EPB41L1: variants seen among roughly 807,000 people sequenced by gnomAD.
EPB41L1 encodes the protein erythrocyte membrane protein band 4.1 like 1, also known as band 4.1-like protein 1.
EPB41L1 carries 29 observed loss-of-function variants against 97.8 expected under a neutral mutation model. The ratio of observed to expected loss-of-function variants is 0.30; its 90% CI spans 0.22 to 0.40. The LOEUF (loss-of-function observed/expected upper bound fraction) is 0.40. EPB41L1 is among the 10% of genes least tolerant of loss of function. The pLI is 1.00. For synonymous variants in EPB41L1, 383 were observed against 459.2 expected, an observed-to-expected ratio of 0.83 and a Z score of 2.12; for missense variants, 812 against 1,162.3, an observed-to-expected ratio of 0.70 and a Z score of 4.38.
intron 2 of EPB41L1, among the ~76,000 whole-genome samples, chr20:36,126,059 G>A (rs2058953735): frequency 6.6e-6 from 1 of 152,206 alleles, no homozygotes; most frequent in South Asian, 2.1e-4. Flanking sequence ...GACAGTGCAT[G>A]TGGGTTTTGA....
chr20:36,092,411 C>T lies in EPB41L1; in HGVS notation c.-65+799C>T, dbSNP rs936173583. ...CGTGGGGAAGCCGGCGGCGGGTCCC[C>T]AGCGCCGGGAGGGTTCGCGGGGCTC... On this transcript the variant is annotated intron_variant, in intron 1 of 19. Transcript: ENST00000202028. This position sits in a 1 kb window ranked among gnomAD's most constrained non-coding sequence, Gnocchi z 7.0. Among the ~76,000 whole-genome samples, 60 of 152,030 alleles carry T rather than the reference C, an allele frequency of 3.9e-4. No individual in the cohort carries two copies. The highest frequency in any genetic ancestry group is 7.9e-4 in the Non-Finnish European group (54 of 67,962).
At chr20:36,137,598 C>G (rs1025460297) in intron 2 of EPB41L1, among the ~76,000 whole-genome samples, 1 of 152,132 alleles carries the variant, frequency 6.6e-6, no homozygotes, top group Non-Finnish European at 1.5e-5. Flanking sequence ...GATCTTGGCT[C>G]ACGGCAATCT....
chr20:36,104,508 G>A (rs765598357), intron 1 of EPB41L1, among the ~76,000 whole-genome samples: 4 of 152,214 alleles, frequency 2.6e-5, no homozygotes, highest in South Asian at 2.1e-4. Context: ...AGAGACTGCC[G>A]GGAAGATGGG....
intron 2 of EPB41L1, among the ~76,000 whole-genome samples, chr20:36,139,722 T>C (rs2059561815): frequency 6.6e-6 from 1 of 152,108 alleles, no homozygotes; most frequent in South Asian, 2.1e-4. Flanking sequence ...AGTGCTTTCT[T>C]CTTATTATTA....
At chr20:36,228,136 C>T (rs1342989596) in intron 21 of EPB41L1, among the ~76,000 whole-genome samples, 1 of 152,188 alleles carries the variant, frequency 6.6e-6, no homozygotes, top group East Asian at 1.9e-4. Context: ...ATGCAAGTAG[C>T]AGAAATGATG....
At chr20:36,226,691 C>T (rs1011520692) in intron 21 of EPB41L1, among the ~76,000 whole-genome samples, 9 of 152,192 alleles carry the variant, frequency 5.9e-5, no homozygotes, top group Admixed American at 5.9e-4. Flanking sequence ...ACTACTATTA[C>T]CATTAACTTG....
rs1281508624 is a variant in EPB41L1, at chr20:36,209,752, C to T, written c.1933C>T (p.Arg645Trp). ...CTCCCGCAGCCTGCCTGAGCTCGAC[C>T]GGGACAAAAGCGACTCGGACACTGA... is the stretch of plus-strand genomic sequence containing the variant. Reference protein sequence around the residue: ...DFSRSLPELDRDKSDSDTEGL... With the variant: ...DFSRSLPELDWDKSDSDTEGL... Residue 645 changes from arginine to tryptophan, a missense_variant, in exon 15 of 22, where the codon CGG (arginine) becomes TGG (tryptophan). Arg to Trp is a moderately radical substitution (Grantham distance 101). This residue lies in a region of EPB41L1 where 498 missense variants were observed against 622.7 expected (regional missense o/e 0.80). Transcript: ENST00000338074. The surrounding 1 kb of genome is among the most constrained non-coding windows in gnomAD (Gnocchi z 4.2). 4.5e-6 allele frequency: 7 copies of T among 1,572,228 alleles called. No individual in the cohort carries two copies. The highest frequency in any genetic ancestry group is 2.2e-5 in the South Asian group (2 of 90,126).
Position 36,198,053 on chromosome 20 carries a change from C to G in EPB41L1, c.1668+12C>G, listed in dbSNP as rs1218816807. On this transcript the variant is annotated intron_variant, in intron 14 of 21. Coordinates refer to ENST00000338074, the MANE Select transcript of EPB41L1 (RefSeq NM_012156.2). ...AGAAAGCCAATGAGGTAGGTGTCGCCCTGAACCCCTCGATAGGGGCCTTGG... is the reference window on the plus strand; with the variant it reads ...AGAAAGCCAATGAGGTAGGTGTCGCGCTGAACCCCTCGATAGGGGCCTTGG... The G allele has an allele frequency of 6.2e-7, 1 of 1,612,556 alleles. No homozygotes were observed. Among genetic ancestry groups the G allele is most frequent in the Non-Finnish European group, 8.5e-7 (1 of 1,179,556 alleles).
intron 2 of EPB41L1, among the ~76,000 whole-genome samples, chr20:36,147,297 T>G (rs898806334): frequency 2.6e-5 from 4 of 152,094 alleles, no homozygotes; most frequent in Non-Finnish European, 5.9e-5. Context: ...AAAGGAAACT[T>G]TATTGATGTT....
intron 1 of EPB41L1, among the ~76,000 whole-genome samples, chr20:36,104,651 G>A (rs927506544): frequency 5.3e-5 from 8 of 152,160 alleles, no homozygotes; most frequent in Admixed American, 1.3e-4. Context: ...AGGGCTGCCT[G>A]TTTATCTGGC....
chr20:36,169,448 G>C (rs747783574), intron 1 of EPB41L1, among the ~76,000 whole-genome samples: 1 of 152,024 alleles, frequency 6.6e-6, no homozygotes, highest in African/African-American at 2.4e-5. Flanking sequence ...TGGCAGCAAC[G>C]CTTAGTGTTG....
At chr20:36,220,674 G>A (rs6089025) in intron 19 of EPB41L1, among the ~76,000 whole-genome samples, 1 of 152,142 alleles carries the variant, frequency 6.6e-6, no homozygotes, top group Admixed American at 6.5e-5. Flanking sequence ...AAATAACTCA[G>A]GCCTGGTGGG....
chr20:36,207,935 C>T lies in EPB41L1; in HGVS notation c.1669-1553C>T, dbSNP rs918105922. Among the ~76,000 whole-genome samples, 4 of 152,222 alleles carry T rather than the reference C, an allele frequency of 2.6e-5. No individual in the cohort carries two copies. The highest frequency in any genetic ancestry group is 4.8e-5 in the African/African-American group (2 of 41,450). ...CATCCCTGTGAGTTTTTTCCCTAAA[C>T]GGGCCTGGGTGTAGCTCAGGCTGAA... On this transcript the variant is annotated intron_variant, in intron 14 of 21. Transcript: ENST00000338074. This position sits in a 1 kb window ranked among gnomAD's most constrained non-coding sequence, Gnocchi z 4.9.
intron 1 of EPB41L1, among the ~76,000 whole-genome samples, chr20:36,166,742 G>A (rs1431459428): frequency 6.6e-6 from 1 of 152,160 alleles, no homozygotes. Flanking sequence ...GTGTGCACCT[G>A]TAGTCCCACC....
chr20:36,204,960 G>A (rs576951340), intron 14 of EPB41L1, among the ~76,000 whole-genome samples: 4 of 152,328 alleles, frequency 2.6e-5, no homozygotes, highest in East Asian at 3.9e-4. Context: ...TTTGATGCAC[G>A]ATGATGCTTA....
At position 36,177,296 on chromosome 20, in the gene EPB41L1, C is replaced by T. The variant is rs573308753; in HGVS notation, c.343-656C>T. On this transcript the variant is annotated intron_variant, in intron 3 of 21. Transcript: ENST00000338074. ...GAGTGCCCAGTCGGGTTCTCGGCTT[C>T]GTCATTCTGAATGGTGGTTCAGAGA... is the stretch of plus-strand genomic sequence containing the variant. Among the ~76,000 whole-genome samples the T allele has an allele frequency of 1.1e-3, 170 of 152,266 alleles. 1 individual carries two copies. Among genetic ancestry groups the T allele is most frequent in the Non-Finnish European group, 1.9e-3 (129 of 68,026 alleles).
chr20:36,227,144 C>T (rs573264046), intron 21 of EPB41L1, among the ~76,000 whole-genome samples: 2 of 152,094 alleles, frequency 1.3e-5, no homozygotes, highest in African/African-American at 2.4e-5. Context: ...ATGAGACCTT[C>T]GTTTCTATAA....
chr20:36,183,142 C>G (rs2061538089), intron 6 of EPB41L1, among the ~76,000 whole-genome samples: 1 of 152,200 alleles, frequency 6.6e-6, no homozygotes, highest in Admixed American at 6.5e-5. Context: ...AAGCCCTTTC[C>G]AAAGAGATAG....
intron 7 of EPB41L1, among the ~76,000 whole-genome samples, chr20:36,185,760 A>G (rs1293083944): frequency 1.3e-5 from 2 of 152,180 alleles, no homozygotes; most frequent in African/African-American, 4.8e-5. Flanking sequence ...GGATCTCAGG[A>G]AGGTCATTTC....
Sources: allele counts gnomAD v4.1 joint callset (sites outside exome capture counted in the v4.1 genomes callset), GRCh38; gene constraint gnomAD v4.1.1; regional missense constraint gnomAD v4.1.1; non-coding constraint Gnocchi (gnomAD v3.1); transcripts MANE v1.5; gene names NCBI Gene and HGNC (gene_info 2026-07-23, HGNC 2026-07-21).